Variants in HDAC4 observed in about 807,000 individuals in gnomAD.
The protein encoded by HDAC4 is histone deacetylase A.
Under a neutral mutation model 135.1 loss-of-function variants are expected in HDAC4, and 16 were observed. That is an observed-to-expected ratio of 0.12 (90% CI 0.08 to 0.18). The LOEUF (loss-of-function observed/expected upper bound fraction) is 0.18, where lower values mean the gene tolerates loss of function less well. HDAC4 is among the 10% of genes least tolerant of loss of function. The probability of loss-of-function intolerance (pLI) is 1.00; values close to 1 mark genes in which losing one functional copy is unlikely to be tolerated. For missense variants in HDAC4, 1,143 were observed against 1,511.8 expected (o/e 0.76, Z 4.05); for synonymous variants, 685 against 653.4 (o/e 1.05, Z -0.74).
intron 22 of HDAC4, among the ~76,000 whole-genome samples, chr2:239,073,245 AC>A (rs2034378941): frequency 6.6e-6 from 1 of 152,214 alleles, no homozygotes; most frequent in African/African-American, 2.4e-5. Context: ...GAGCCAGTCC[AC>A]ACAATTTCCC....
chr2:239,372,951 A>G (rs1428969347), intron 1 of HDAC4, among the ~76,000 whole-genome samples: 3 of 150,506 alleles, frequency 2.0e-5, no homozygotes, highest in Non-Finnish European at 4.5e-5. Flanking sequence ...GTCTCGGGGG[A>G]GTCCGTCACG....
chr2:239,371,568 G>A (rs968397240), intron 1 of HDAC4, among the ~76,000 whole-genome samples: 1 of 151,934 alleles, frequency 6.6e-6, no homozygotes, highest in African/African-American at 2.4e-5. Flanking sequence ...CATGCTCACA[G>A]TGTAACACAC....
chr2:239,131,040 T>C (rs1465534170), intron 11 of HDAC4, among the ~76,000 whole-genome samples: 1 of 152,240 alleles, frequency 6.6e-6, no homozygotes, highest in Non-Finnish European at 1.5e-5. Context: ...TCCGAGGATG[T>C]ACCAGACACT....
intron 22 of HDAC4, 181 bp downstream of exon 22, chr2:239,080,914 T>C (rs971750302): frequency 2.7e-5 from 16 of 597,342 alleles, no homozygotes; most frequent in Middle Eastern, 8.8e-4. Flanking sequence ...GGTAAGAAGA[T>C]AGTCGCCAAG....
At chr2:239,148,922 A>G (rs190903773) in intron 7 of HDAC4, among the ~76,000 whole-genome samples, 4 of 152,316 alleles carry the variant, frequency 2.6e-5, no homozygotes, top group Admixed American at 2.6e-4. Context: ...CAAATGAAAA[A>G]AATGATCAAC....
chr2:239,229,535 G>A (rs1348022932), intron 3 of HDAC4, among the ~76,000 whole-genome samples: 1 of 152,200 alleles, frequency 6.6e-6, no homozygotes, highest in South Asian at 2.1e-4. Flanking sequence ...GAGTGACCAT[G>A]GCCCAGGACA....
chr2:239,113,030 G>A (rs181446701), intron 13 of HDAC4, among the ~76,000 whole-genome samples: 119 of 152,256 alleles, frequency 7.8e-4, no homozygotes, highest in African/African-American at 2.6e-3. Flanking sequence ...TTCGAGACCA[G>A]CCTGGCCAAA....
At chr2:239,117,267 T>C (rs1001892978) in intron 12 of HDAC4, among the ~76,000 whole-genome samples, 1 of 152,188 alleles carries the variant, frequency 6.6e-6, no homozygotes. Context: ...AACAAGCAGG[T>C]GCACGTTCTA....
At chr2:239,095,857 C>T (rs1027531171) in intron 16 of HDAC4, among the ~76,000 whole-genome samples, 6 of 152,188 alleles carry the variant, frequency 3.9e-5, no homozygotes, top group Admixed American at 6.5e-5. Context: ...CCATTCCTAG[C>T]GGCTGCCTGG....
intron 1 of HDAC4, among the ~76,000 whole-genome samples, chr2:239,397,870 A>G (rs1412057901): frequency 6.6e-6 from 1 of 152,192 alleles, no homozygotes; most frequent in East Asian, 1.9e-4. Flanking sequence ...TCTAACGTCA[A>G]GGCCAAAAAC....
chr2:239,374,386 C>CGCTT (rs1694847282), intron 1 of HDAC4, among the ~76,000 whole-genome samples: 25 of 56,704 alleles, frequency 4.4e-4, no homozygotes, highest in African/African-American at 1.9e-3. Context: ...GAAAACAAGG[C>CGCTT]TTTTTTTTTT....
intron 2 of HDAC4, among the ~76,000 whole-genome samples, chr2:239,257,453 C>T (rs1034831954): frequency 1.3e-5 from 2 of 152,088 alleles, no homozygotes; most frequent in Admixed American, 1.3e-4. Flanking sequence ...GAGCCCCACC[C>T]CCAGCCATCT....
At chr2:239,312,707 A>G (rs757394324) in intron 2 of HDAC4, among the ~76,000 whole-genome samples, 4 of 152,224 alleles carry the variant, frequency 2.6e-5, no homozygotes, top group Admixed American at 6.5e-5. Flanking sequence ...TCCCATGGAC[A>G]TGAAGTTGGT....
chr2:239,177,762 G>A (rs1247433263), intron 4 of HDAC4, among the ~76,000 whole-genome samples: 1 of 152,202 alleles, frequency 6.6e-6, no homozygotes. Flanking sequence ...ATGACAGGCA[G>A]CCCACTAAAA....
At chr2:239,230,423 G>A (rs114421454) in intron 3 of HDAC4, among the ~76,000 whole-genome samples, 2,257 of 142,936 alleles carry the variant, frequency 0.016, 31 homozygotes, top group Non-Finnish European at 0.026. Flanking sequence ...TGGCGGACAT[G>A]ACCGTCCTGG....
rs1269790223 is a variant in HDAC4, at chr2:239,352,449, C to T, written c.22+229G>A. 2.6e-5 allele frequency among the ~76,000 whole-genome samples: 4 copies of T among 152,164 alleles called. No individual in the cohort carries two copies. Among genetic ancestry groups the T allele is most frequent in the Admixed American group, 6.5e-5 (1 of 15,278 alleles). ...GTGCCTCTCAAGTCAGCCTGCAAAC[C>T]GGGGTCGCAGACTTGACTCCACATC... On this transcript the variant is annotated intron_variant, in intron 2 of 26. Transcript: ENST00000543185. The surrounding 1 kb of genome is among the most constrained non-coding windows in gnomAD (Gnocchi z 4.4).
At chr2:239,155,475 T>A (rs2042368252) in intron 7 of HDAC4, 1 of 152,608 alleles carries the variant, frequency 6.6e-6, no homozygotes, top group Non-Finnish European at 1.5e-5. Context: ...CTGATATAGC[T>A]CACACCTCTA....
chr2:239,371,384 CTT>C (rs938217872), intron 1 of HDAC4, among the ~76,000 whole-genome samples: 13 of 152,124 alleles, frequency 8.5e-5, no homozygotes, highest in African/African-American at 2.7e-4. Flanking sequence ...TATACTAACA[CTT>C]ATACACTAAT....
chr2:239,243,275 C>T (rs1424610543), intron 2 of HDAC4, among the ~76,000 whole-genome samples: 2 of 151,970 alleles, frequency 1.3e-5, no homozygotes, highest in African/African-American at 4.8e-5. Context: ...GCCTCAGCCT[C>T]CCGAATAGGT....
Sources: gnomAD v4.1 joint callset for allele counts (sites outside exome capture counted in the v4.1 genomes callset) on GRCh38, gnomAD v4.1.1 for gene constraint, Gnocchi (gnomAD v3.1) non-coding constraint, MANE v1.5 for transcripts, NCBI Gene and HGNC (gene_info 2026-07-23, HGNC 2026-07-21) for gene names.